The following NEGR1 variants were observed in gnomAD, a reference collection of about 807,000 sequenced individuals.
The protein encoded by NEGR1 is IgLON family member 4.
A neutral mutation model predicts 40.9 loss-of-function variants in NEGR1; 10 were observed. The ratio of observed to expected loss-of-function variants is 0.24; its 90% confidence interval spans 0.15 to 0.42. The LOEUF is 0.42. NEGR1 is among the 10% of genes least tolerant of loss of function. NEGR1 has a pLI of 1.00. For missense variants in NEGR1, 352 were observed against 438.9 expected (o/e 0.80, Z 1.77); for synonymous variants, 185 against 166.8 (o/e 1.11, Z -0.84).
At chr1:71,588,441 CT>C (rs1178221238) in intron 6 of NEGR1, among the ~76,000 whole-genome samples, 1 of 151,948 alleles carries the variant, frequency 6.6e-6, no homozygotes, top group Non-Finnish European at 1.5e-5. Flanking sequence ...CAATTTTGTA[CT>C]TTTTACAACA....
intron 6 of NEGR1, among the ~76,000 whole-genome samples, chr1:71,525,532 A>G (rs1647207031): frequency 6.6e-6 from 1 of 151,690 alleles, no homozygotes; most frequent in Admixed American, 6.6e-5. Context: ...TCATTCATTT[A>G]TGCATTTATG....
At chr1:72,133,737 G>A (rs1468751257) in intron 1 of NEGR1, among the ~76,000 whole-genome samples, 1 of 151,294 alleles carries the variant, frequency 6.6e-6, no homozygotes, top group African/African-American at 2.4e-5. Context: ...AAAAAAGAAT[G>A]TCATCAGCTT....
intron 2 of NEGR1, 84 bp downstream of exon 2, chr1:71,934,995 C>A: frequency 1.3e-6 from 1 of 764,596 alleles, no homozygotes; most frequent in Non-Finnish European, 2.2e-6. Flanking sequence ...ACATTGTTAA[C>A]TGCTTCCTAG....
chr1:71,474,371 T>C (rs1044118137), intron 6 of NEGR1, among the ~76,000 whole-genome samples: 1 of 148,306 alleles, frequency 6.7e-6, no homozygotes, highest in Non-Finnish European at 1.5e-5. Context: ...TGTGTGACAA[T>C]GAGAGAAGAA....
chr1:72,137,855 GAC>G (rs1356441557), intron 1 of NEGR1, among the ~76,000 whole-genome samples: 1 of 152,134 alleles, frequency 6.6e-6, no homozygotes, highest in Non-Finnish European at 1.5e-5. Flanking sequence ...TGTTATAAAT[GAC>G]AGCAGATTTC....
intron 2 of NEGR1, among the ~76,000 whole-genome samples, chr1:71,909,589 C>G (rs923381839): frequency 6.6e-6 from 1 of 152,176 alleles, no homozygotes; most frequent in Admixed American, 6.5e-5. Flanking sequence ...TGACATCTCA[C>G]TCAAGTACCC....
intron 4 of NEGR1, among the ~76,000 whole-genome samples, chr1:71,689,476 T>C (rs1008514632): frequency 1.9e-4 from 29 of 152,180 alleles, no homozygotes; most frequent in African/African-American, 6.8e-4. Flanking sequence ...TCGGATCTTC[T>C]GCCTTTCTCT....
chr1:71,434,858 AAGGCG>A (rs2101301554), intron 6 of NEGR1, among the ~76,000 whole-genome samples: 1 of 152,274 alleles, frequency 6.6e-6, no homozygotes, highest in Non-Finnish European at 1.5e-5. Context: ...TTGGGAGGCC[AAGGCG>A]GGCGGATCAC....
At chr1:71,938,418 T>G (rs1645929714) in intron 1 of NEGR1, among the ~76,000 whole-genome samples, 1 of 151,092 alleles carries the variant, frequency 6.6e-6, no homozygotes, top group Admixed American at 6.6e-5. Flanking sequence ...GTGTTTTTTT[T>G]TTTTTTTTTT....
intron 1 of NEGR1, among the ~76,000 whole-genome samples, chr1:72,053,552 G>A (rs916567463): frequency 4.0e-5 from 6 of 150,740 alleles, no homozygotes. Context: ...CATCACGTTA[G>A]TCATGCTTGG....
intron 2 of NEGR1, among the ~76,000 whole-genome samples, chr1:71,840,828 A>G (rs1659210353): frequency 6.6e-6 from 1 of 152,168 alleles, no homozygotes; most frequent in East Asian, 1.9e-4. Flanking sequence ...AATTGGAAAT[A>G]TTTTAAATAA....
chr1:71,860,190 T>G (rs542192564), intron 2 of NEGR1, among the ~76,000 whole-genome samples: 2 of 128,890 alleles, frequency 1.6e-5, no homozygotes, highest in East Asian at 5.5e-4. Context: ...GTCAAAATTC[T>G]CATCATTTAA....
At chr1:72,272,930 A>G (rs1477970535) in intron 1 of NEGR1, among the ~76,000 whole-genome samples, 1 of 151,948 alleles carries the variant, frequency 6.6e-6, no homozygotes, top group African/African-American at 2.4e-5. Context: ...CAACACTGCC[A>G]AATTCCTCCT....
Position 71,779,637 on chromosome 1 carries a change from C to T in NEGR1, c.410-3340G>A, listed in dbSNP as rs181359376. Among the ~76,000 whole-genome samples, 36 of 152,090 alleles carry T rather than the reference C, an allele frequency of 2.4e-4. 1 individual carries two copies. Among genetic ancestry groups the T allele is most frequent in the Admixed American group, 2.1e-3 (32 of 15,282 alleles). On this transcript the variant is annotated intron_variant, in intron 2 of 6. Coordinates refer to ENST00000357731, the MANE Select transcript of NEGR1 (RefSeq NM_173808.3). ...GGCTGGAGTGCAATGGCTCAATCTC[C>T]GCTCACTGCAACTCCTGCCTCTCGG... is the stretch of plus-strand genomic sequence containing the variant.
chr1:71,755,839 T>A (rs1655714591), intron 3 of NEGR1, among the ~76,000 whole-genome samples: 2 of 152,312 alleles, frequency 1.3e-5, no homozygotes, highest in South Asian at 4.1e-4. Flanking sequence ...GCTATATACT[T>A]AAATTCTGGC....
At chr1:71,735,073 G>A (rs1391839003) in intron 3 of NEGR1, among the ~76,000 whole-genome samples, 1 of 151,888 alleles carries the variant, frequency 6.6e-6, no homozygotes, top group Non-Finnish European at 1.5e-5. Context: ...ACTAGATGTG[G>A]CCTATTTCTT....
intron 2 of NEGR1, among the ~76,000 whole-genome samples, chr1:71,902,553 C>A (rs1661170033): frequency 6.6e-6 from 1 of 152,122 alleles, no homozygotes; most frequent in African/African-American, 2.4e-5. Flanking sequence ...TTGTCAATTT[C>A]TGTAACTCAG....
intron 1 of NEGR1, among the ~76,000 whole-genome samples, chr1:72,167,349 A>T (rs1651805039): frequency 6.6e-6 from 1 of 152,224 alleles, no homozygotes; most frequent in Non-Finnish European, 1.5e-5. Flanking sequence ...TATGTATAAG[A>T]TAGAGATTTT....
chr1:71,758,795 C>T (rs935928523), intron 3 of NEGR1, among the ~76,000 whole-genome samples: 4 of 152,052 alleles, frequency 2.6e-5, no homozygotes, highest in South Asian at 2.1e-4. Flanking sequence ...CGTTATTAAG[C>T]TATTTTCTCT....
Sources: gnomAD v4.1 joint callset for allele counts (sites outside exome capture counted in the v4.1 genomes callset) on GRCh38, gnomAD v4.1.1 for gene constraint, MANE v1.5 for transcripts, NCBI Gene and HGNC (gene_info 2026-07-23, HGNC 2026-07-21) for gene names.